Variants in ANKRD55 observed in about 807,000 individuals in gnomAD.
ANKRD55 encodes ankyrin repeat domain 55, also known as ankyrin repeat domain-containing protein 55.
ANKRD55 carries 41 observed loss-of-function variants against 60.6 expected under a neutral mutation model. The ratio of observed to expected loss-of-function variants is 0.68; its 90% CI spans 0.53 to 0.88. ANKRD55 has a LOEUF of 0.88. Among genes scored for constraint, ANKRD55 ranks in the 40% least tolerant of loss-of-function variants. The pLI is 0.00. For synonymous variants in ANKRD55, 264 were observed against 290.3 expected (o/e 0.91, Z 0.92); for missense variants, 732 against 767.6 (o/e 0.95, Z 0.55).
chr5:56,112,394 C>T lies in ANKRD55; in HGVS notation c.966-612G>A, dbSNP rs867684608. ...AAAAAAGTATGCTGAAGAACAGGTA[C>T]GGTGGCTAATGCCTATAATTCCAGA... On this transcript the variant is annotated intron_variant, in intron 9 of 11. Coordinates refer to ENST00000341048, the MANE Select transcript of ANKRD55 (RefSeq NM_024669.3). Among the ~76,000 whole-genome samples the T allele has an allele frequency of 6.0e-5, 9 of 150,256 alleles. No homozygotes were observed. In the South Asian group the frequency reaches 6.3e-4, roughly 11 times the overall value.
intron 7 of ANKRD55, among the ~76,000 whole-genome samples, chr5:56,135,542 G>A (rs990165791): frequency 1.3e-5 from 2 of 151,706 alleles, no homozygotes; most frequent in African/African-American, 4.8e-5. Context: ...GCTAGTTTTT[G>A]TATTTTTAGT....
intron 2 of ANKRD55, among the ~76,000 whole-genome samples, chr5:56,189,526 G>C (rs1759044478): frequency 6.6e-6 from 1 of 152,046 alleles, no homozygotes; most frequent in Non-Finnish European, 1.5e-5. Context: ...TCTGCTTTCT[G>C]TCTATGAATT....
chr5:56,210,744 T>A (rs780083592), intron 2 of ANKRD55, among the ~76,000 whole-genome samples: 3 of 152,214 alleles, frequency 2.0e-5, no homozygotes, highest in Non-Finnish European at 4.4e-5. Flanking sequence ...ACTGCATTTT[T>A]AAATTGATTT....
intron 8 of ANKRD55, among the ~76,000 whole-genome samples, chr5:56,124,665 G>T (rs1274116586): frequency 6.6e-6 from 1 of 151,870 alleles, no homozygotes; most frequent in African/African-American, 2.4e-5. Context: ...GCGCCACCAC[G>T]CCCGGCTAAT....
intron 2 of ANKRD55, among the ~76,000 whole-genome samples, chr5:56,196,415 C>T (rs967403711): frequency 7.2e-5 from 11 of 152,114 alleles, no homozygotes; most frequent in African/African-American, 4.8e-5. Context: ...TAGTATTTAT[C>T]GAGTGCCTAC....
intron 8 of ANKRD55, among the ~76,000 whole-genome samples, chr5:56,119,736 A>C (rs1756982315): frequency 6.6e-6 from 1 of 151,342 alleles, no homozygotes; most frequent in Non-Finnish European, 1.5e-5. Context: ...CAACATGGCA[A>C]AACCCAGTCT....
intron 10 of ANKRD55, among the ~76,000 whole-genome samples, chr5:56,105,143 G>A (rs1756418369): frequency 6.7e-6 from 1 of 149,942 alleles, no homozygotes; most frequent in Admixed American, 6.7e-5. Context: ...ATGGAATGCA[G>A]TAGTGCCATC....
At chr5:56,148,884 C>G (rs160924) in intron 6 of ANKRD55, among the ~76,000 whole-genome samples, 25,260 of 151,912 alleles carry the variant, frequency 0.17, 2,690 homozygotes, top group East Asian at 0.48. Context: ...CAGGTGTCTG[C>G]TGGCTGAGAG....
chr5:56,126,921 C>A lies in ANKRD55; in HGVS notation c.797+1G>T, dbSNP rs757182743. 1.2e-6 allele frequency: 2 copies of A among 1,600,696 alleles called. No individual in the cohort carries two copies. Among genetic ancestry groups the A allele is most frequent in the African/African-American group, 2.7e-5 (2 of 74,430 alleles). On this transcript the variant is annotated splice_donor_variant, in intron 8 of 11. Transcript: ENST00000341048. LOFTEE classifies it high-confidence loss of function. The stretch of plus-strand genomic sequence containing the variant: ...CAGCACTTTCTGGTTACCATGGATA[C>A]CTGTCATCCACATCCAGAGCCTGCA...
intron 5 of ANKRD55, among the ~76,000 whole-genome samples, chr5:56,166,158 T>TTCCTTCCTTCCTTCCTTCCTTCCTTCC (rs58740295): frequency 1.4e-5 from 1 of 72,436 alleles, no homozygotes; most frequent in South Asian, 4.5e-4. Flanking sequence ...TTCTTTCTTC[T>TTCCTTCCTTCCTTCCTTCCTTCCTTCC]TTCCTTCCTT....
chr5:56,144,552 A>G (rs1239792063), intron 6 of ANKRD55, among the ~76,000 whole-genome samples: 3 of 137,042 alleles, frequency 2.2e-5, no homozygotes, highest in African/African-American at 7.9e-5. Flanking sequence ...AGAGGGAGGC[A>G]GGGGCTGATC....
intron 6 of ANKRD55, among the ~76,000 whole-genome samples, chr5:56,146,111 G>A (rs1757887721): frequency 6.6e-6 from 1 of 152,152 alleles, no homozygotes; most frequent in Admixed American, 6.5e-5. Context: ...ATGAAATGAA[G>A]TCATTGGCTT....
chr5:56,106,218 G>T (rs1195024488), intron 10 of ANKRD55, among the ~76,000 whole-genome samples: 1 of 152,012 alleles, frequency 6.6e-6, no homozygotes, highest in African/African-American at 2.4e-5. Flanking sequence ...AAGATAAAGG[G>T]ACAATCCAAG....
chr5:56,212,049 G>GACACACAC (rs200349739), intron 2 of ANKRD55, among the ~76,000 whole-genome samples: 75 of 130,222 alleles, frequency 5.8e-4, no homozygotes, highest in African/African-American at 1.9e-3. Flanking sequence ...AACTGGTAAA[G>GACACACAC]ACACACACAC....
chr5:56,111,202 G>T lies in ANKRD55; in HGVS notation c.1546C>A (p.Leu516Met). 1 of 1,614,208 alleles carries T rather than the reference G, an allele frequency of 6.2e-7. No individual in the cohort carries two copies. Among genetic ancestry groups the T allele is most frequent in the Non-Finnish European group, 8.5e-7 (1 of 1,180,040 alleles). ...GGCCGGACACTGAGCAATCTGTCCA[G>T]CAGCTTATCAGAAGAAGACACAGTC... is the stretch of plus-strand genomic sequence containing the variant. ...VWTVSSSDKLLDRLLSVRPGH... is the reference protein window; with the variant it reads ...VWTVSSSDKLMDRLLSVRPGH... The change falls in exon 10 of 12, where the codon CTG becomes ATG. Residue 516 changes from leucine to methionine, a missense_variant. Physicochemically the swap from Leu to Met is conservative, Grantham distance 15. This residue lies in a region of ANKRD55 where 597 missense variants were observed against 607.5 expected (regional missense o/e 0.98). Coordinates refer to ENST00000341048, the MANE Select transcript of ANKRD55 (RefSeq NM_024669.3).
chr5:56,105,455 C>T (rs1196431312), intron 10 of ANKRD55, among the ~76,000 whole-genome samples: 2 of 152,132 alleles, frequency 1.3e-5, no homozygotes, highest in Non-Finnish European at 2.9e-5. Flanking sequence ...GGGTGACCTT[C>T]ACATATTATA....
At chr5:56,146,867 G>A (rs1490496382) in intron 6 of ANKRD55, 1 of 152,206 alleles carries the variant, frequency 6.6e-6, no homozygotes, top group Non-Finnish European at 1.5e-5. Flanking sequence ...TCAAACGTGA[G>A]GTAGATGGCA....
intron 3 of ANKRD55, among the ~76,000 whole-genome samples, chr5:56,179,981 G>A (rs1758819580): frequency 6.6e-6 from 1 of 152,110 alleles, no homozygotes; most frequent in Non-Finnish European, 1.5e-5. Flanking sequence ...CACGAGACTG[G>A]GTAATTTATA....
At position 56,102,482 on chromosome 5, in the gene ANKRD55, C is replaced by A. The variant is rs891432492; in HGVS notation, c.1723+12G>T. The A allele has an allele frequency of 6.4e-7, 1 of 1,574,632 alleles. No individual in the cohort carries two copies. The highest frequency in any genetic ancestry group is 1.1e-5 in the South Asian group (1 of 89,870). Reference sequence around the variant, plus strand: ...CTTGCAAAGGAAGCTGCGGAAGATTCATAATACTTACATTTTTGATCTGGT... The same window carrying A: ...CTTGCAAAGGAAGCTGCGGAAGATTAATAATACTTACATTTTTGATCTGGT... On this transcript the variant is annotated intron_variant, in intron 11 of 11. Coordinates refer to ENST00000341048, the MANE Select transcript of ANKRD55 (RefSeq NM_024669.3).
Sources: gnomAD v4.1 joint callset for allele counts (sites outside exome capture counted in the v4.1 genomes callset) on GRCh38, gnomAD v4.1.1 for gene constraint, gnomAD v4.1.1 regional missense constraint, MANE v1.5 for transcripts, NCBI Gene and HGNC (gene_info 2026-07-23, HGNC 2026-07-21) for gene names.